The following VMP1 variants were observed in gnomAD, a reference collection of about 807,000 sequenced individuals.
VMP1 encodes vacuole membrane protein 1, also known as ectopic P-granules autophagy protein 3 homolog.
VMP1 carries 11 observed loss-of-function variants against 56.0 expected under a neutral mutation model. That is an observed-to-expected ratio of 0.20 (90% CI 0.12 to 0.32). The LOEUF (loss-of-function observed/expected upper bound fraction) is 0.32, where lower values mean the gene tolerates loss of function less well. VMP1 is among the 10% of genes least tolerant of loss of function. The pLI is 1.00. For missense variants in VMP1, 296 were observed against 490.3 expected (o/e 0.60, Z 3.74); for synonymous variants, 149 against 165.0 (o/e 0.90, Z 0.74).
chr17:59,811,484 C>T (rs980940196), intron 8 of VMP1, among the ~76,000 whole-genome samples, 186 bp from the exon 9 acceptor site: 1 of 152,190 alleles, frequency 6.6e-6, no homozygotes, highest in African/African-American at 2.4e-5. Context: ...GAATATGAGA[C>T]CCAGCTTCTA....
intron 5 of VMP1, among the ~76,000 whole-genome samples, chr17:59,749,733 A>G (rs1163477745): frequency 1.3e-5 from 2 of 151,870 alleles, no homozygotes; most frequent in African/African-American, 2.4e-5. Context: ...CTGGTCTCGA[A>G]TTCTGACCTC....
chr17:59,742,522 C>CAAT (rs71370113), intron 5 of VMP1, among the ~76,000 whole-genome samples: 10,383 of 142,832 alleles, frequency 0.073, 715 homozygotes, highest in African/African-American at 0.17. Flanking sequence ...GTCTCAAAAA[C>CAAT]AATAATAATA....
At chr17:59,838,990 T>G (rs1598474285) in intron 11 of VMP1, 1 of 152,184 alleles carries the variant, frequency 6.6e-6, no homozygotes, top group Non-Finnish European at 1.5e-5. Context: ...TTGGTTCGTT[T>G]TTTGTTCTTT....
chr17:59,794,952 G>A (rs2037381513), intron 7 of VMP1, among the ~76,000 whole-genome samples: 1 of 149,952 alleles, frequency 6.7e-6, no homozygotes, highest in African/African-American at 2.4e-5. Context: ...TTGTGTTGAA[G>A]GATTTGGTAA....
At chr17:59,775,834 G>C (rs1210240607) in intron 7 of VMP1, among the ~76,000 whole-genome samples, 1 of 152,186 alleles carries the variant, frequency 6.6e-6, no homozygotes, top group Non-Finnish European at 1.5e-5. Context: ...ATCACAATCT[G>C]TGTATCAGCC....
intron 1 of VMP1, among the ~76,000 whole-genome samples, chr17:59,725,579 CT>C (rs2034571173): frequency 2.0e-5 from 3 of 147,150 alleles, no homozygotes; most frequent in Admixed American, 2.0e-4. Context: ...GGTTTTGATG[CT>C]TTTATAAGCT....
intron 7 of VMP1, among the ~76,000 whole-genome samples, chr17:59,803,637 A>C (rs2037748062): frequency 6.6e-6 from 1 of 152,228 alleles, no homozygotes; most frequent in Non-Finnish European, 1.5e-5. Context: ...AAATGGAACT[A>C]ATAAAAGGTG....
chr17:59,769,065 G>C (rs1228038888), intron 6 of VMP1, among the ~76,000 whole-genome samples: 1 of 151,708 alleles, frequency 6.6e-6, no homozygotes, highest in Admixed American at 6.6e-5. Context: ...AGGTTGCAGT[G>C]AGCCAAGATT....
chr17:59,810,415 A>G (rs992922418), intron 8 of VMP1, among the ~76,000 whole-genome samples: 4 of 152,134 alleles, frequency 2.6e-5, no homozygotes, highest in Non-Finnish European at 2.9e-5. Flanking sequence ...CGGCCTCCCA[A>G]AGTGCTGGGA....
chr17:59,720,952 A>G (rs1326331262), intron 1 of VMP1, among the ~76,000 whole-genome samples: 1 of 151,370 alleles, frequency 6.6e-6, no homozygotes. Flanking sequence ...AAGCCTGGGC[A>G]ACAAGAGCGA....
chr17:59,804,231 A>C (rs1033046502), intron 7 of VMP1, among the ~76,000 whole-genome samples: 1 of 152,198 alleles, frequency 6.6e-6, no homozygotes, highest in Non-Finnish European at 1.5e-5. Context: ...GAACATTTTG[A>C]ACAATAAAAG....
intron 5 of VMP1, among the ~76,000 whole-genome samples, chr17:59,754,771 T>C (rs897271399): frequency 1.3e-5 from 2 of 152,154 alleles, no homozygotes; most frequent in Admixed American, 6.5e-5. Context: ...ATGACTCATA[T>C]ATTAACTCTG....
At chr17:59,809,737 ACCT>A (rs890035581) in intron 8 of VMP1, among the ~76,000 whole-genome samples, 2 of 148,832 alleles carry the variant, frequency 1.3e-5, no homozygotes, top group African/African-American at 5.0e-5. Context: ...CGATCTCCTG[ACCT>A]CGTGATCCGC....
At chr17:59,794,993 A>ATT (rs577527166) in intron 7 of VMP1, among the ~76,000 whole-genome samples, 2 of 73,956 alleles carry the variant, frequency 2.7e-5, no homozygotes, top group Non-Finnish European at 5.6e-5. Context: ...GGCAGATTTG[A>ATT]TCTTTTTTTT....
chr17:59,838,287 G>C lies in VMP1; in HGVS notation c.975-8G>C, dbSNP rs777111659. 4.3e-6 allele frequency: 7 copies of C among 1,613,084 alleles called. No homozygotes were observed. Among genetic ancestry groups the C allele is most frequent in the East Asian group, 2.2e-5 (1 of 44,872 alleles). On this transcript the variant is annotated splice_region_variant and splice_polypyrimidine_tract_variant and intron_variant, in intron 10 of 11. Transcript: ENST00000262291. ...CTTTTTCTTTGGGCTACTGTACCCT[G>C]CTTCCAGTGCTGTCCCCGGCATAGG...
chr17:59,809,029 C>T (rs1598425057), intron 8 of VMP1, among the ~76,000 whole-genome samples, 153 bp downstream of exon 8: 1 of 151,602 alleles, frequency 6.6e-6, no homozygotes, highest in East Asian at 1.9e-4. Flanking sequence ...GACGGAGTCT[C>T]CCTCTTGTCA....
chr17:59,745,014 A>C (rs2035372809), intron 5 of VMP1, among the ~76,000 whole-genome samples: 1 of 152,170 alleles, frequency 6.6e-6, no homozygotes, highest in Non-Finnish European at 1.5e-5. Flanking sequence ...GGCAAACATC[A>C]TTGTCATACT....
intron 10 of VMP1, among the ~76,000 whole-genome samples, chr17:59,829,784 G>T (rs1264632341): frequency 6.6e-6 from 1 of 152,040 alleles, no homozygotes; most frequent in African/African-American, 2.4e-5. Flanking sequence ...TGTAATGGGA[G>T]TAGGATAGGG....
chr17:59,789,124 A>G (rs1157046905), intron 7 of VMP1, among the ~76,000 whole-genome samples: 1 of 151,318 alleles, frequency 6.6e-6, no homozygotes, highest in Admixed American at 6.6e-5. Context: ...TCCCGTCTCT[A>G]CTAAAAATAC....
Sources: gnomAD v4.1 joint callset for allele counts (sites outside exome capture counted in the v4.1 genomes callset) on GRCh38, gnomAD v4.1.1 for gene constraint, MANE v1.5 for transcripts, NCBI Gene and HGNC (gene_info 2026-07-23, HGNC 2026-07-21) for gene names.